Variants in WWOX observed in about 807,000 individuals in gnomAD.
WWOX encodes WW domain-containing oxidoreductase.
In WWOX, 69 loss-of-function variants were observed where a neutral mutation model predicts 46.2. The ratio of observed to expected loss-of-function variants is 1.49; its 90% CI spans 1.23 to 1.82. The LOEUF is 1.82. WWOX is among the 40% of genes most tolerant of loss of function. WWOX has a pLI of 0.00. For synonymous variants in WWOX, 359 were observed against 202.6 expected (o/e 1.77, Z -6.56); for missense variants, 919 against 542.6 (o/e 1.69, Z -6.89).
chr16:78,293,337 C>T (rs2079888797), intron 5 of WWOX, among the ~76,000 whole-genome samples: 2 of 152,318 alleles, frequency 1.3e-5, no homozygotes, highest in Non-Finnish European at 2.9e-5. Flanking sequence ...ATTATCTTTG[C>T]ACTCTCTCCT....
Position 78,715,830 on chromosome 16 carries a change from C to G in WWOX, c.1056+283078C>G, listed in dbSNP as rs116146738. On this transcript the variant is annotated intron_variant, in intron 8 of 8. Transcript: ENST00000566780. ...AAAGCTTTTCTAGAATCTATCAACT[C>G]CCTTCTGCATGTGTCTATTTGGCAT... Among the ~76,000 whole-genome samples the G allele has an allele frequency of 5.7e-3, 875 of 152,290 alleles. 10 individuals carry two copies. The highest frequency in any genetic ancestry group is 0.02 in the African/African-American group (833 of 41,572).
At chr16:79,140,027 G>A (rs1476760537) in intron 8 of WWOX, among the ~76,000 whole-genome samples, 1 of 152,176 alleles carries the variant, frequency 6.6e-6, no homozygotes, top group African/African-American at 2.4e-5. Context: ...TGCGCTGTCA[G>A]CACCATGGGG....
At chr16:78,360,306 C>T (rs982891292) in intron 5 of WWOX, among the ~76,000 whole-genome samples, 5 of 152,158 alleles carry the variant, frequency 3.3e-5, no homozygotes, top group African/African-American at 1.2e-4. Context: ...GAGAAGTAGG[C>T]TGGGCACAGT....
chr16:78,599,115 C>T (rs1206782878), intron 8 of WWOX, among the ~76,000 whole-genome samples: 3 of 152,290 alleles, frequency 2.0e-5, no homozygotes, highest in South Asian at 2.1e-4. Flanking sequence ...GCTCAAGCTG[C>T]TCTCAGCTAA....
At chr16:79,027,530 A>G (rs924533209) in intron 8 of WWOX, among the ~76,000 whole-genome samples, 3 of 151,784 alleles carry the variant, frequency 2.0e-5, no homozygotes, top group Admixed American at 6.6e-5. Context: ...GGAATGTCCA[A>G]TTCCCCGTTC....
chr16:78,893,523 A>C (rs1208645724), intron 8 of WWOX, among the ~76,000 whole-genome samples: 1 of 152,168 alleles, frequency 6.6e-6, no homozygotes, highest in Non-Finnish European at 1.5e-5. Flanking sequence ...TGCCTAAGAC[A>C]CTTCCTCCTC....
intron 6 of WWOX, among the ~76,000 whole-genome samples, chr16:78,397,913 C>G (rs558807219): frequency 3.9e-5 from 6 of 152,162 alleles, no homozygotes; most frequent in African/African-American, 1.4e-4. Context: ...CTCGTCCGCT[C>G]AGTTAAGGTA....
intron 8 of WWOX, among the ~76,000 whole-genome samples, chr16:78,877,219 T>A (rs557442255): frequency 6.6e-6 from 1 of 152,298 alleles, no homozygotes; most frequent in Admixed American, 6.5e-5. Flanking sequence ...CATTTCAGGC[T>A]GATTAAAAGG....
At position 79,061,953 on chromosome 16, in the gene WWOX, C is replaced by T. The variant is rs546196677; in HGVS notation, c.1057-149655C>T. On this transcript the variant is annotated intron_variant, in intron 8 of 8. Coordinates refer to ENST00000566780, the MANE Select transcript of WWOX (RefSeq NM_016373.4). ...TATTGGGAAAGTGGGACTTCAGACG[C>T]TAGCCTCCCCTTGTAGTGCCTGCAT... is the stretch of plus-strand genomic sequence containing the variant. Among the ~76,000 whole-genome samples the T allele has an allele frequency of 2.1e-3, 323 of 152,278 alleles. 1 individual carries two copies. Among genetic ancestry groups the T allele is most frequent in the African/African-American group, 7.6e-3 (317 of 41,546 alleles).
At chr16:78,679,519 C>T (rs2047680742) in intron 8 of WWOX, among the ~76,000 whole-genome samples, 1 of 152,000 alleles carries the variant, frequency 6.6e-6, no homozygotes, top group African/African-American at 2.4e-5. Flanking sequence ...CCACTGCACT[C>T]CAGCCTGGGT....
At chr16:78,566,074 C>T (rs994293385) in intron 8 of WWOX, among the ~76,000 whole-genome samples, 7 of 152,156 alleles carry the variant, frequency 4.6e-5, no homozygotes, top group Non-Finnish European at 8.8e-5. Flanking sequence ...CATTCTGTGC[C>T]TGCCTGAGGC....
chr16:79,108,909 T>A (rs546348085), intron 8 of WWOX, among the ~76,000 whole-genome samples: 17 of 148,354 alleles, frequency 1.1e-4, no homozygotes, highest in East Asian at 3.9e-4. Context: ...TCAAAAAATT[T>A]AAAAAAAAAA....
intron 8 of WWOX, among the ~76,000 whole-genome samples, chr16:78,960,280 A>G (rs564525367): frequency 6.6e-6 from 1 of 152,364 alleles, no homozygotes; most frequent in East Asian, 1.9e-4. Flanking sequence ...TGAAAGACAG[A>G]AAATGATAGG....
chr16:78,910,246 C>T (rs1467639896), intron 8 of WWOX, among the ~76,000 whole-genome samples: 2 of 152,090 alleles, frequency 1.3e-5, no homozygotes, highest in Non-Finnish European at 2.9e-5. Context: ...CAAGCCAGTG[C>T]AGGTGGATTC....
At chr16:79,206,235 G>C (rs2051505175) in intron 8 of WWOX, 1 of 152,262 alleles carries the variant, frequency 6.6e-6, no homozygotes. Context: ...TGGCCTGGCT[G>C]AGAAGGCGGC....
intron 4 of WWOX, among the ~76,000 whole-genome samples, chr16:78,142,035 C>T (rs908454322): frequency 6.8e-6 from 1 of 148,054 alleles, no homozygotes; most frequent in African/African-American, 2.5e-5. Context: ...AACTGATTTC[C>T]TTCATTTTAT....
At chr16:78,140,752 A>G (rs1007840029) in intron 4 of WWOX, among the ~76,000 whole-genome samples, 6 of 152,152 alleles carry the variant, frequency 3.9e-5, no homozygotes, top group Non-Finnish European at 8.8e-5. Flanking sequence ...ACCTCTGCAA[A>G]GGCCCTGTTT....
chr16:78,502,843 T>C (rs1443262409), intron 8 of WWOX, among the ~76,000 whole-genome samples: 1 of 152,144 alleles, frequency 6.6e-6, no homozygotes, highest in Non-Finnish European at 1.5e-5. Context: ...GTATGACTCG[T>C]AACTGTTAAT....
At chr16:78,415,787 G>A (rs761747674) in intron 6 of WWOX, among the ~76,000 whole-genome samples, 3 of 152,066 alleles carry the variant, frequency 2.0e-5, no homozygotes, top group Non-Finnish European at 4.4e-5. Flanking sequence ...AGGAATCTTG[G>A]CCCATTGTCA....
Sources: allele counts gnomAD v4.1 joint callset (sites outside exome capture counted in the v4.1 genomes callset), GRCh38; gene constraint gnomAD v4.1.1; transcripts MANE v1.5; gene names NCBI Gene and HGNC (gene_info 2026-07-23, HGNC 2026-07-21).